GABRG3: variants seen among roughly 807,000 people sequenced by gnomAD.
GABRG3 encodes gamma-aminobutyric acid receptor subunit gamma-3.
GABRG3 carries 25 observed loss-of-function variants against 48.8 expected under a neutral mutation model. That is an observed-to-expected ratio of 0.51 (90% CI 0.37 to 0.72). The LOEUF (loss-of-function observed/expected upper bound fraction) is 0.72. GABRG3 is among the 30% of genes least tolerant of loss of function. The pLI, the probability that GABRG3 is intolerant of heterozygous loss-of-function variation, is 0.00. For synonymous variants in GABRG3, 227 were observed against 217.6 expected (o/e 1.04, Z -0.38); for missense variants, 394 against 577.9 (o/e 0.68, Z 3.26).
intron 6 of GABRG3, among the ~76,000 whole-genome samples, chr15:27,518,838 AG>A (rs1942295601): frequency 6.6e-6 from 1 of 152,196 alleles, no homozygotes; most frequent in African/African-American, 2.4e-5. Flanking sequence ...AAATGATACT[AG>A]TGTTTTACAA....
At chr15:27,440,754 A>G (rs527478817) in intron 5 of GABRG3, among the ~76,000 whole-genome samples, 1 of 152,224 alleles carries the variant, frequency 6.6e-6, no homozygotes, top group Non-Finnish European at 1.5e-5. Flanking sequence ...CAAGGCAAGG[A>G]TGGAATTAGA....
At chr15:27,099,992 A>G (rs902672255) in intron 3 of GABRG3, among the ~76,000 whole-genome samples, 1 of 152,106 alleles carries the variant, frequency 6.6e-6, no homozygotes, top group African/African-American at 2.4e-5. Flanking sequence ...CGAAGTGGGC[A>G]GATCATGAGG....
chr15:27,056,088 G>A (rs1896540282), intron 3 of GABRG3, among the ~76,000 whole-genome samples: 1 of 152,062 alleles, frequency 6.6e-6, no homozygotes, highest in Non-Finnish European at 1.5e-5. Context: ...AGTGGCTCAA[G>A]CCTGTAATCC....
At chr15:27,479,126 GAA>G (rs557608942) in intron 5 of GABRG3, among the ~76,000 whole-genome samples, 8 of 143,728 alleles carry the variant, frequency 5.6e-5, no homozygotes, top group African/African-American at 1.0e-4. Flanking sequence ...GAGAATATGT[GAA>G]AAAAAAAAAA....
chr15:27,466,220 T>C lies in GABRG3; in HGVS notation c.575-14430T>C, dbSNP rs182833853. ...TGTGACCCAGCAGCAGACTTTACAATATTCCATAGAAGACCACAGAATATT... is the reference window on the plus strand; with the variant it reads ...TGTGACCCAGCAGCAGACTTTACAACATTCCATAGAAGACCACAGAATATT... On this transcript the variant is annotated intron_variant, in intron 5 of 9. Coordinates refer to ENST00000615808, the MANE Select transcript of GABRG3 (RefSeq NM_033223.5). Among the ~76,000 whole-genome samples, 48 of 152,316 alleles carry C rather than the reference T, an allele frequency of 3.2e-4. 1 individual carries two copies. In the East Asian group the frequency reaches 5.2e-3, roughly 17 times the overall value.
At chr15:27,263,880 C>T (rs577744604) in intron 3 of GABRG3, among the ~76,000 whole-genome samples, 2 of 150,150 alleles carry the variant, frequency 1.3e-5, no homozygotes, top group South Asian at 2.1e-4. Flanking sequence ...GAGCCGAGAT[C>T]GCGCCACTGC....
At chr15:27,042,702 T>C (rs562735353) in intron 3 of GABRG3, among the ~76,000 whole-genome samples, 2 of 152,370 alleles carry the variant, frequency 1.3e-5, no homozygotes, top group South Asian at 4.1e-4. Flanking sequence ...TGTCAGTCTC[T>C]CCACATGCCC....
intron 2 of GABRG3, among the ~76,000 whole-genome samples, chr15:26,984,968 G>A (rs1046936472): frequency 2.7e-4 from 41 of 152,332 alleles, no homozygotes; most frequent in African/African-American, 8.4e-4. Flanking sequence ...TGTCTTGGCC[G>A]TATCAATGGC....
intron 3 of GABRG3, among the ~76,000 whole-genome samples, chr15:27,323,764 C>T (rs892694091): frequency 6.6e-6 from 1 of 152,200 alleles, no homozygotes; most frequent in Non-Finnish European, 1.5e-5. Context: ...CCTGCACACC[C>T]CAGAACCCTT....
intron 5 of GABRG3, among the ~76,000 whole-genome samples, chr15:27,477,963 G>A (rs183421014): frequency 8.2e-4 from 124 of 151,664 alleles, no homozygotes; most frequent in African/African-American, 2.5e-3. Flanking sequence ...GGAGAATGGC[G>A]TGAACCCGGA....
At chr15:27,397,234 G>T (rs1887328554) in intron 5 of GABRG3, among the ~76,000 whole-genome samples, 1 of 150,010 alleles carries the variant, frequency 6.7e-6, no homozygotes, top group South Asian at 2.1e-4. Context: ...ATGCTGACTT[G>T]ATTTTGTAAA....
chr15:27,492,836 T>C (rs1209647632), intron 6 of GABRG3, among the ~76,000 whole-genome samples: 1 of 152,252 alleles, frequency 6.6e-6, no homozygotes, highest in Non-Finnish European at 1.5e-5. Context: ...TTCTGTGTCT[T>C]CAATTCACAA....
At chr15:27,222,384 A>G (rs753292506) in intron 3 of GABRG3, among the ~76,000 whole-genome samples, 3 of 152,250 alleles carry the variant, frequency 2.0e-5, no homozygotes, top group Non-Finnish European at 4.4e-5. Context: ...TTAATACCAA[A>G]TAAGTATTAC....
intron 3 of GABRG3, among the ~76,000 whole-genome samples, chr15:27,259,058 G>A (rs1890699945): frequency 6.6e-6 from 1 of 152,158 alleles, no homozygotes; most frequent in African/African-American, 2.4e-5. Flanking sequence ...CATCCATGTT[G>A]CTGCAAATGA....
At chr15:27,307,994 TAC>T (rs1300857242) in intron 3 of GABRG3, among the ~76,000 whole-genome samples, 1 of 138,594 alleles carries the variant, frequency 7.2e-6, no homozygotes, top group African/African-American at 2.6e-5. Context: ...AATAAACATA[TAC>T]GTTTATAATA....
chr15:27,361,973 G>A (rs1011258775), intron 5 of GABRG3, among the ~76,000 whole-genome samples: 1 of 152,154 alleles, frequency 6.6e-6, no homozygotes, highest in African/African-American at 2.4e-5. Flanking sequence ...TTTGAGAAAA[G>A]ACCGAGGTAA....
chr15:27,465,738 C>T (rs1889588100), intron 5 of GABRG3, among the ~76,000 whole-genome samples: 1 of 152,184 alleles, frequency 6.6e-6, no homozygotes, highest in Non-Finnish European at 1.5e-5. Context: ...TAGTCTCTTT[C>T]AATGGCTCAT....
At chr15:27,384,657 G>A (rs12914568) in intron 5 of GABRG3, among the ~76,000 whole-genome samples, 87,141 of 151,850 alleles carry the variant, frequency 0.57, 25,267 homozygotes, top group East Asian at 0.69. Flanking sequence ...TAGATCATCA[G>A]CACAAGTCTG....
intron 3 of GABRG3, among the ~76,000 whole-genome samples, chr15:27,094,030 A>C (rs1897234609): frequency 6.6e-6 from 1 of 152,222 alleles, no homozygotes; most frequent in Admixed American, 6.5e-5. Context: ...GGTTTTATGC[A>C]TGCAGATCAC....
Sources: gnomAD v4.1 joint callset for allele counts (sites outside exome capture counted in the v4.1 genomes callset) on GRCh38, gnomAD v4.1.1 for gene constraint, MANE v1.5 for transcripts, NCBI Gene and HGNC (gene_info 2026-07-23, HGNC 2026-07-21) for gene names.